CORO1C: variants seen among roughly 807,000 people sequenced by gnomAD.
The protein encoded by CORO1C is coronin 1C, also known as coronin-1C.
In CORO1C, 14 loss-of-function variants were observed where a neutral mutation model predicts 51.2. The ratio of observed to expected loss-of-function variants is 0.27; its 90% confidence interval spans 0.18 to 0.43. CORO1C has a LOEUF of 0.43. CORO1C is among the 20% of genes least tolerant of loss of function. The probability of loss-of-function intolerance (pLI) is 1.00; values close to 1 mark genes in which losing one functional copy is unlikely to be tolerated. For missense variants in CORO1C, 417 were observed against 607.8 expected, an observed-to-expected ratio of 0.69 and a Z score of 3.30; for synonymous variants, 181 against 210.5, an observed-to-expected ratio of 0.86 and a Z score of 1.21.
rs1389457662 is a variant in CORO1C at position 108,662,106 on chromosome 12, A to C, written c.371T>G (p.Val124Gly). ...TCTCTTTGAGTGGCCTTCCAAAATCACCACAGGTTCAGTCAGGGAAAGGGT... is the reference window on the plus strand; with the variant it reads ...TCTCTTTGAGTGGCCTTCCAAAATCCCCACAGGTTCAGTCAGGGAAAGGGT... ...GLTLSLTEPV[V>G]ILEGHSKRVG... is the part of the protein sequence containing the mutation. The change falls in exon 4 of 11, where the codon GTG becomes GGG. Residue 124 changes from valine (V) to glycine (G), a missense_variant. Val to Gly is a moderately radical substitution (Grantham distance 109, BLOSUM62 -3). Transcript: ENST00000261401. 1 of 1,613,812 alleles carries C rather than the reference A, an allele frequency of 6.2e-7. No individual in the cohort carries two copies. Among genetic ancestry groups the C allele is most frequent in the East Asian group, 2.2e-5 (1 of 44,874 alleles).
intron 1 of CORO1C, among the ~76,000 whole-genome samples, chr12:108,720,537 T>TA (rs34606032): frequency 6.6e-6 from 1 of 151,982 alleles, no homozygotes; most frequent in Non-Finnish European, 1.5e-5. Context: ...TTTTTTTTTT[T>TA]ATTTGAGATG....
Position 108,655,460 on chromosome 12 carries a change from G to A in CORO1C, c.751-1050C>T, listed in dbSNP as rs1474613865. The stretch of plus-strand genomic sequence containing the variant: ...AGCCGAAGCTGGACGCTGCCATCTC[G>A]ACTCACTGCAACCTCCCTGCCTGAT... On this transcript the variant is annotated intron_variant, in intron 6 of 10. Coordinates refer to ENST00000261401, the MANE Select transcript of CORO1C (RefSeq NM_014325.4). Among the ~76,000 whole-genome samples, 4 of 147,622 alleles carry A rather than the reference G, an allele frequency of 2.7e-5. No homozygotes were observed. The East Asian group carries it at 6.2e-4, about 23-fold the overall frequency.
intron 1 of CORO1C, chr12:108,702,013 G>C (rs1490478174): frequency 6.5e-6 from 1 of 152,694 alleles, no homozygotes; most frequent in Non-Finnish European, 1.5e-5. Context: ...AACAGGAAAA[G>C]TCAGCCTAAA....
chr12:108,664,687 A>T (rs530712891), intron 3 of CORO1C, among the ~76,000 whole-genome samples: 3 of 152,296 alleles, frequency 2.0e-5, no homozygotes, highest in Non-Finnish European at 4.4e-5. Context: ...TCCCCTGCGG[A>T]GAACATGGGC....
intron 1 of CORO1C, chr12:108,702,790 T>C: frequency 6.6e-7 from 1 of 1,523,026 alleles, no homozygotes; most frequent in Non-Finnish European, 8.8e-7. Context: ...TGCCAGAGTC[T>C]CTTACCCTTC....
chr12:108,705,560 T>C (rs1352901238), intron 1 of CORO1C, among the ~76,000 whole-genome samples: 1 of 141,542 alleles, frequency 7.1e-6, no homozygotes, highest in Non-Finnish European at 1.5e-5. Flanking sequence ...ATTTAAAAAA[T>C]ACCAAGTACT....
At chr12:108,689,930 G>T (rs1443402588) in intron 2 of CORO1C, among the ~76,000 whole-genome samples, 1 of 152,128 alleles carries the variant, frequency 6.6e-6, no homozygotes, top group Non-Finnish European at 1.5e-5. Context: ...AAGCATAAGG[G>T]CTCCATTCAC....
intron 2 of CORO1C, among the ~76,000 whole-genome samples, chr12:108,683,791 C>T (rs542853011): frequency 1.3e-5 from 2 of 152,198 alleles, no homozygotes; most frequent in South Asian, 4.1e-4. Context: ...AAACACTAGG[C>T]CCAGATGGTT....
intron 3 of CORO1C, chr12:108,668,589 T>C (rs1481117037): frequency 1.3e-5 from 2 of 152,212 alleles, no homozygotes; most frequent in Admixed American, 6.5e-5. Context: ...TGTTGATTTC[T>C]ACAGAAGAAT....
At chr12:108,660,869 G>C (rs1184799429) in intron 4 of CORO1C, among the ~76,000 whole-genome samples, 1 of 151,990 alleles carries the variant, frequency 6.6e-6, no homozygotes, top group East Asian at 1.9e-4. Context: ...TTGAAAAGTG[G>C]GCCTTAGTTT....
rs544134919 is a variant in CORO1C at position 108,677,853 on chromosome 12, T to C, written c.318+419A>G. Among the ~76,000 whole-genome samples, 27 of 152,188 alleles carry C rather than the reference T, an allele frequency of 1.8e-4. 1 individual carries two copies. Among genetic ancestry groups the C allele is most frequent in the African/African-American group, 5.5e-4 (23 of 41,512 alleles). On this transcript the variant is annotated intron_variant, in intron 3 of 10. Transcript: ENST00000261401. ...GGCCAACATGGTGAAACCTCGTCTC[T>C]ATTAAAAATACAAAAATTAGCCAGG...
chr12:108,718,230 G>A (rs2035387409), intron 1 of CORO1C, among the ~76,000 whole-genome samples: 1 of 152,308 alleles, frequency 6.6e-6, no homozygotes, highest in Non-Finnish European at 1.5e-5. Flanking sequence ...GTGGGTGCCT[G>A]TAGTCCCAGC....
At chr12:108,687,161 G>C (rs1490131329) in intron 2 of CORO1C, among the ~76,000 whole-genome samples, 4 of 152,170 alleles carry the variant, frequency 2.6e-5, no homozygotes. Context: ...TTTGCGGGGA[G>C]AAAGTGAATG....
intron 4 of CORO1C, among the ~76,000 whole-genome samples, chr12:108,661,477 A>G (rs1286691047): frequency 6.6e-6 from 1 of 152,242 alleles, no homozygotes; most frequent in Admixed American, 6.5e-5. Context: ...TCTTTCGGAA[A>G]GAAACATCAA....
chr12:108,676,184 C>T (rs1438048217), intron 3 of CORO1C, among the ~76,000 whole-genome samples: 2 of 151,998 alleles, frequency 1.3e-5, no homozygotes, highest in Non-Finnish European at 2.9e-5. Flanking sequence ...AGAGTGGTTA[C>T]TTTGAGAGGG....
At chr12:108,702,987 G>A in intron 1 of CORO1C, 8 of 1,481,276 alleles carry the variant, frequency 5.4e-6, no homozygotes, top group Non-Finnish European at 7.2e-6. Context: ...AATGATTCGT[G>A]GCCAGGGTCC....
chr12:108,702,905 G>A (rs1182966945), intron 1 of CORO1C: 2 of 1,535,658 alleles, frequency 1.3e-6, no homozygotes, highest in South Asian at 1.2e-5. Flanking sequence ...CCTTAGCCCA[G>A]CTGTTATTGC....
rs541618407 is a variant in CORO1C at position 108,678,279 on chromosome 12, G to A, written c.311C>T (p.Thr104Met). Residue 104 changes from threonine to methionine, a missense_variant, in exon 3 of 11, where the codon ACG (threonine) becomes ATG (methionine). Physicochemically the swap from Thr to Met is moderately conservative, Grantham distance 81. Transcript: ENST00000261401. ...AACACCCTGGGAGCTTACCATGACC[G>A]TGCAGTCCTCTGAACCGCTGGCAAT... ...QVIASGSEDC[T>M]VMVWQIPENG... 2.3e-5 allele frequency: 37 copies of A among 1,610,588 alleles called. No homozygotes were observed. Among genetic ancestry groups the A allele is most frequent in the South Asian group, 9.9e-5 (9 of 90,596 alleles).
At chr12:108,689,475 C>T (rs1200887425) in intron 2 of CORO1C, among the ~76,000 whole-genome samples, 2 of 152,182 alleles carry the variant, frequency 1.3e-5, no homozygotes, top group Admixed American at 1.3e-4. Flanking sequence ...ATCATATAAA[C>T]CCACACCTTC....
Sources: allele counts gnomAD v4.1 joint callset (sites outside exome capture counted in the v4.1 genomes callset), GRCh38; gene constraint gnomAD v4.1.1; transcripts MANE v1.5; gene names NCBI Gene and HGNC (gene_info 2026-07-23, HGNC 2026-07-21).